The following FBXL17 variants were observed in gnomAD, a reference collection of about 807,000 sequenced individuals.
FBXL17 encodes F-box and leucine rich repeat protein 17, also known as F-box/LRR-repeat protein 17.
FBXL17 carries 22 observed loss-of-function variants against 66.2 expected under a neutral mutation model. The observed-to-expected ratio is 0.33, with a 90% CI of 0.24 to 0.47. The LOEUF is 0.47. Among genes scored for constraint, FBXL17 ranks in the 20% least tolerant of loss-of-function variants. FBXL17 has a pLI of 1.00. For missense variants in FBXL17, 878 were observed against 948.2 expected, an observed-to-expected ratio of 0.93 and a Z score of 0.97; for synonymous variants, 474 against 400.5, an observed-to-expected ratio of 1.18 and a Z score of -2.19.
At chr5:108,349,314 T>C (rs920884402) in intron 3 of FBXL17, among the ~76,000 whole-genome samples, 5 of 152,200 alleles carry the variant, frequency 3.3e-5, no homozygotes, top group Admixed American at 1.3e-4. Context: ...GAAAAGGGAC[T>C]GAAATACATA....
At chr5:108,234,114 G>A (rs2150090021) in intron 4 of FBXL17, among the ~76,000 whole-genome samples, 1 of 152,246 alleles carries the variant, frequency 6.6e-6, no homozygotes, top group South Asian at 2.1e-4. Flanking sequence ...ATAAAGAGAA[G>A]ACAGGCAGTA....
chr5:108,166,435 T>C (rs1752419252), intron 6 of FBXL17, among the ~76,000 whole-genome samples: 1 of 152,212 alleles, frequency 6.6e-6, no homozygotes, highest in South Asian at 2.1e-4. Context: ...CTCATAGACG[T>C]TTCTAAGCTC....
chr5:107,897,909 AAAAGAAAG>A (rs140620990), intron 7 of FBXL17, among the ~76,000 whole-genome samples: 1 of 150,942 alleles, frequency 6.6e-6, no homozygotes, highest in Admixed American at 6.6e-5. Flanking sequence ...GATATGATAA[AAAAGAAAG>A]AAAGAAAGAA....
intron 4 of FBXL17, chr5:108,301,986 G>C: frequency 1.0e-6 from 1 of 981,130 alleles, no homozygotes; most frequent in Non-Finnish European, 1.2e-6. Context: ...CTCCTAGTAG[G>C]ACAGGCAATC....
intron 6 of FBXL17, among the ~76,000 whole-genome samples, chr5:108,133,007 TAAGTA>T (rs1220412968): frequency 3.3e-5 from 5 of 152,124 alleles, no homozygotes; most frequent in Admixed American, 2.6e-4. Flanking sequence ...TGGAAATGGT[TAAGTA>T]AAGTGTGATA....
intron 4 of FBXL17, among the ~76,000 whole-genome samples, chr5:108,306,257 T>TA (rs1417436553): frequency 6.6e-6 from 1 of 152,100 alleles, no homozygotes; most frequent in East Asian, 1.9e-4. Flanking sequence ...CCTAAAGACT[T>TA]AATCAATGAT....
intron 4 of FBXL17, among the ~76,000 whole-genome samples, chr5:108,263,466 T>C (rs1226585219): frequency 1.3e-5 from 2 of 152,158 alleles, no homozygotes; most frequent in African/African-American, 4.8e-5. Flanking sequence ...CCCTAATGGG[T>C]CCATAAATTT....
At chr5:108,165,833 CT>C (rs1476632749) in intron 6 of FBXL17, among the ~76,000 whole-genome samples, 4 of 152,162 alleles carry the variant, frequency 2.6e-5, no homozygotes, top group Non-Finnish European at 5.9e-5. Context: ...TATTAATCTG[CT>C]GCTTATTAAT....
At chr5:108,291,655 T>G (rs957842791) in intron 4 of FBXL17, among the ~76,000 whole-genome samples, 2 of 152,210 alleles carry the variant, frequency 1.3e-5, no homozygotes, top group Non-Finnish European at 2.9e-5. Flanking sequence ...GAGTTCCAGA[T>G]CTCAAGACAT....
intron 4 of FBXL17, among the ~76,000 whole-genome samples, chr5:108,230,458 A>T (rs1755279661): frequency 6.6e-6 from 1 of 152,212 alleles, no homozygotes; most frequent in Non-Finnish European, 1.5e-5. Context: ...TTCTAAGTGA[A>T]GTAACTCAGG....
chr5:108,339,718 T>A (rs1255046644), intron 4 of FBXL17, among the ~76,000 whole-genome samples: 1 of 151,908 alleles, frequency 6.6e-6, no homozygotes, highest in Non-Finnish European at 1.5e-5. Context: ...CAGAAAAAAA[T>A]ATATTTTTAA....
At chr5:108,253,229 A>G (rs1169977255) in intron 4 of FBXL17, among the ~76,000 whole-genome samples, 1 of 152,146 alleles carries the variant, frequency 6.6e-6, no homozygotes, top group Non-Finnish European at 1.5e-5. Context: ...AAGGTACTTT[A>G]TTCTAGGGAA....
At chr5:108,069,060 C>T (rs1349662051) in intron 6 of FBXL17, among the ~76,000 whole-genome samples, 2 of 152,156 alleles carry the variant, frequency 1.3e-5, no homozygotes, top group African/African-American at 2.4e-5. Flanking sequence ...GAGTGTAACA[C>T]TTTCACACAC....
At chr5:108,052,112 C>CAAAAAAAAA (rs144705189) in intron 6 of FBXL17, among the ~76,000 whole-genome samples, 37 of 102,170 alleles carry the variant, frequency 3.6e-4, no homozygotes, top group East Asian at 5.9e-4. Context: ...GACTTCGTCT[C>CAAAAAAAAA]AAAAAAAAAA....
intron 7 of FBXL17, among the ~76,000 whole-genome samples, chr5:107,985,773 T>G (rs1309863159): frequency 6.6e-6 from 1 of 152,182 alleles, no homozygotes; most frequent in African/African-American, 2.4e-5. Flanking sequence ...AGGCAAATGG[T>G]CAACTATTTA....
At chr5:108,041,625 C>T (rs1457394739) in intron 6 of FBXL17, among the ~76,000 whole-genome samples, 1 of 151,890 alleles carries the variant, frequency 6.6e-6, no homozygotes, top group African/African-American at 2.4e-5. Context: ...ACTATGTTGG[C>T]CAGGGTGATC....
chr5:108,256,473 C>T lies in FBXL17; in HGVS notation c.1507-32245G>A, dbSNP rs539320876. On this transcript the variant is annotated intron_variant, in intron 4 of 8. Transcript: ENST00000542267. ...CTTGTCTTTCCACACCACCTCTACC[C>T]TATTTCCCCCTTCCCAGAGGTAAAC... Among the ~76,000 whole-genome samples the T allele has an allele frequency of 2.4e-4, 37 of 152,196 alleles. No homozygotes were observed. In the South Asian group the frequency reaches 6.8e-3, roughly 28 times the overall value.
intron 4 of FBXL17, among the ~76,000 whole-genome samples, chr5:108,257,079 CTGGGCTTTATAT>C (rs1756608473): frequency 6.6e-6 from 1 of 152,160 alleles, no homozygotes; most frequent in Non-Finnish European, 1.5e-5. Context: ...CACAAACTAC[CTGGGCTTTATAT>C]TGGTTACAGA....
chr5:107,866,525 G>A (rs1748281142), intron 8 of FBXL17, among the ~76,000 whole-genome samples: 1 of 152,344 alleles, frequency 6.6e-6, no homozygotes, highest in East Asian at 1.9e-4. Context: ...ACGGAAGGGT[G>A]AGGAGAGAAA....
Sources: gnomAD v4.1 joint callset for allele counts (sites outside exome capture counted in the v4.1 genomes callset) on GRCh38, gnomAD v4.1.1 for gene constraint, MANE v1.5 for transcripts, NCBI Gene and HGNC (gene_info 2026-07-23, HGNC 2026-07-21) for gene names.